Variants in LPO observed in about 807,000 individuals in gnomAD.
LPO encodes the protein lactoperoxidase.
A neutral mutation model predicts 68.4 loss-of-function variants in LPO; 70 were observed. That is an observed-to-expected ratio of 1.02 (90% CI 0.84 to 1.25). LPO has a LOEUF of 1.25. Ranked by LOEUF, LPO falls within the 50% of genes most tolerant of loss-of-function variation. The pLI is 0.00. For synonymous variants in LPO, 360 were observed against 357.6 expected (o/e 1.01, Z -0.08); for missense variants, 873 against 908.4 (o/e 0.96, Z 0.50).
At chr17:58,244,304 A>T in intron 3 of LPO, 1 of 564,702 alleles carries the variant, frequency 1.8e-6, no homozygotes, top group Non-Finnish European at 3.2e-6. Flanking sequence ...CATCACCTGA[A>T]AGAGGACATC....
chr17:58,241,172 G>A (rs1284904887), intron 1 of LPO, among the ~76,000 whole-genome samples: 2 of 135,620 alleles, frequency 1.5e-5, no homozygotes, highest in African/African-American at 2.8e-5. Context: ...GTGCAGTGGC[G>A]CAATCTTGGC....
intron 1 of LPO, among the ~76,000 whole-genome samples, chr17:58,240,366 C>T (rs1035514232): frequency 9.9e-5 from 15 of 152,188 alleles, no homozygotes; most frequent in Admixed American, 5.9e-4. Flanking sequence ...GGTTTCTGCA[C>T]TCAGCATGTT....
rs371271531 is a variant in LPO, at chr17:58,267,479, C to A, written c.1824C>A (p.Asp608Glu). ...TCTACGGGACCCCTGACAACATCGA[C>A]ATCTGGATAGGGGCCATTGCTGAGC... Reference protein sequence around the residue: ...LGLYGTPDNIDIWIGAIAEPL... With the variant: ...LGLYGTPDNIEIWIGAIAEPL... The change falls in exon 12 of 13, where the codon GAC (aspartate) becomes GAA (glutamate). Residue 608 changes from aspartate to glutamate, a missense_variant. Physicochemically the swap from Asp to Glu is conservative, Grantham distance 45. Coordinates refer to ENST00000262290, the MANE Select transcript of LPO (RefSeq NM_006151.3). 72 of 1,614,116 alleles carry A rather than the reference C, an allele frequency of 4.5e-5. No individual in the cohort carries two copies. The highest frequency in any genetic ancestry group is 6.1e-5 in the Non-Finnish European group (72 of 1,180,032).
rs372594384 is a variant in LPO at position 58,249,130 on chromosome 17, C to A, written c.396C>A (p.Cys132Ter). The change falls in exon 5 of 13, where the codon TGC becomes TGA. Residue 132 changes from cysteine to a stop codon, truncating the protein, a stop_gained. Transcript: ENST00000262290. LOFTEE classifies it high-confidence loss of function. The stretch of plus-strand genomic sequence containing the variant: ...GTGCTCCTGCTCCCGTGGTGAGATG[C>A]GACCCGTGCAGCCCTTACCGCACCA... ...GCGAPAPVVR[C>*]DPCSPYRTIT... is the part of the protein sequence containing the mutation. 9 of 1,614,062 alleles carry A rather than the reference C, an allele frequency of 5.6e-6. No individual in the cohort carries two copies. The highest frequency in any genetic ancestry group is 6.8e-6 in the Non-Finnish European group (8 of 1,180,046).
In LPO at chr17:58,265,049, A is replaced by T. The variant is rs534709403; in HGVS notation, c.1519+75A>T. ...CTATTGTAGGGAAACTTGGGTTGGA[A>T]GTCAGATTCCAAGCACTTTTACATG... is the stretch of plus-strand genomic sequence containing the variant. On this transcript the variant is annotated intron_variant, in intron 10 of 12. Coordinates refer to ENST00000262290, the MANE Select transcript of LPO (RefSeq NM_006151.3). The T allele has an allele frequency of 8.6e-4, 1,359 of 1,576,438 alleles. 1 individual carries two copies. Among genetic ancestry groups the T allele is most frequent in the Non-Finnish European group, 1.0e-3 (1,202 of 1,159,102 alleles).
intron 3 of LPO, among the ~76,000 whole-genome samples, chr17:58,245,232 C>T (rs1191236216): frequency 1.3e-5 from 2 of 152,166 alleles, no homozygotes; most frequent in South Asian, 2.1e-4. Context: ...GTGCAGTCTC[C>T]TTCTCCCTCT....
chr17:58,249,464 T>C, intron 5 of LPO, 102 bp from the exon 6 acceptor site: 1 of 1,477,188 alleles, frequency 6.8e-7, no homozygotes, highest in Non-Finnish European at 9.0e-7. Flanking sequence ...CTTCTCTGCG[T>C]CCCCTCCGCC....
At position 58,268,065 on chromosome 17, in the gene LPO, C is replaced by G; in HGVS notation, c.*71C>G. On this transcript the variant is annotated 3_prime_UTR_variant, in exon 13 of 13. Coordinates refer to ENST00000262290, the MANE Select transcript of LPO (RefSeq NM_006151.3). ...TTCAAGCAAGTTCAATGACCTGGTC[C>G]CTTAGAGCTCCATATCCCAGTCCCA... The G allele has an allele frequency of 1.4e-6, 2 of 1,459,162 alleles. No individual in the cohort carries two copies. The highest frequency in any genetic ancestry group is 1.9e-6 in the Non-Finnish European group (2 of 1,050,918). The allele number at this position is 1,459,162 out of a possible 1,614,324, so 90.4% of individuals were successfully genotyped here.
chr17:58,267,527 G>A lies in LPO; in HGVS notation c.1872G>A (p.Val624=). The change falls in exon 12 of 13, where the codon GTG becomes GTA. Residue 624 remains valine, a synonymous_variant. Transcript: ENST00000262290. ...AGCCGCTGGTGGAAAGGGGTCGGGT[G>A]GGGCCTCTCCTGGCCTGCCTCTTGG... The part of the protein sequence containing the change: ...IAEPLVERGR[V]GPLLACLLGK... The A allele has an allele frequency of 6.2e-7, 1 of 1,614,128 alleles. No homozygotes were observed. The highest frequency in any genetic ancestry group is 1.1e-5 in the South Asian group (1 of 91,082).
At position 58,257,191 on chromosome 17, in the gene LPO, C is replaced by G. The variant is rs1361953331; in HGVS notation, c.1266+2220C>G. 3.9e-5 allele frequency among the ~76,000 whole-genome samples: 6 copies of G among 152,002 alleles called. No individual in the cohort carries two copies. In the East Asian group the frequency reaches 1.2e-3, roughly 30 times the overall value. On this transcript the variant is annotated intron_variant, in intron 9 of 12. Coordinates refer to ENST00000262290, the MANE Select transcript of LPO (RefSeq NM_006151.3). ...TTAAGCGGTCCACCCACCTTGGCCT[C>G]CCAAAATGCTGAGATTACAGACATG...
At chr17:58,265,749 AT>A (rs1318356123) in intron 10 of LPO, among the ~76,000 whole-genome samples, 1 of 150,944 alleles carries the variant, frequency 6.6e-6, no homozygotes, top group Non-Finnish European at 1.5e-5. Flanking sequence ...TACCTGGCTA[AT>A]TTTTTTGCCT....
chr17:58,252,053 C>A, intron 7 of LPO, 129 bp from the exon 8 acceptor site: 1 of 805,144 alleles, frequency 1.2e-6, no homozygotes, highest in Non-Finnish European at 2.2e-6. Flanking sequence ...TGTCTGGGGT[C>A]AGTGTCTGGT....
intron 1 of LPO, among the ~76,000 whole-genome samples, chr17:58,241,885 G>C: frequency 6.6e-6 from 1 of 152,180 alleles, no homozygotes; most frequent in South Asian, 2.1e-4. Context: ...TTTGGAGAGG[G>C]TCTGCAAGAC....
intron 3 of LPO, 183 bp downstream of exon 3, chr17:58,244,264 G>C (rs1243596775): frequency 1.6e-6 from 1 of 609,220 alleles, no homozygotes; most frequent in Non-Finnish European, 3.0e-6. Flanking sequence ...AGGAGCAATA[G>C]CCCACAATTC....
intron 11 of LPO, 70 bp downstream of exon 11, chr17:58,266,396 T>C (rs924931506): frequency 6.7e-7 from 1 of 1,497,716 alleles, no homozygotes; most frequent in Non-Finnish European, 9.1e-7. Context: ...GGAGACTCTC[T>C]TCTATAACCC....
At chr17:58,254,679 G>A (rs1032152883) in intron 8 of LPO, 132 bp from the exon 9 acceptor site, 8 of 785,288 alleles carry the variant, frequency 1.0e-5, no homozygotes, top group Admixed American at 5.5e-5. Flanking sequence ...TTCACCTGAC[G>A]GGAAGTAGGG....
intron 5 of LPO, 116 bp from the exon 6 acceptor site, chr17:58,249,450 C>T: frequency 7.0e-7 from 1 of 1,422,508 alleles, no homozygotes; most frequent in Non-Finnish European, 9.3e-7. Flanking sequence ...ATTTGAGAGG[C>T]CCCCTTCTCT....
chr17:58,260,055 C>T (rs1430859959), intron 9 of LPO, among the ~76,000 whole-genome samples: 2 of 152,206 alleles, frequency 1.3e-5, no homozygotes, highest in South Asian at 2.1e-4. Flanking sequence ...CCTCGTGATC[C>T]GCCCACCTCA....
intron 9 of LPO, among the ~76,000 whole-genome samples, chr17:58,263,694 G>T (rs1970211294): frequency 1.3e-5 from 2 of 151,966 alleles, no homozygotes; most frequent in Admixed American, 1.3e-4. Context: ...GAGCCAAGAT[G>T]GCATCACTGC....
Sources: allele counts gnomAD v4.1 joint callset (sites outside exome capture counted in the v4.1 genomes callset), GRCh38; gene constraint gnomAD v4.1.1; transcripts MANE v1.5; gene names NCBI Gene and HGNC (gene_info 2026-07-23, HGNC 2026-07-21).